The following USP50 variants were observed in gnomAD, a reference collection of about 807,000 sequenced individuals.
The protein encoded by USP50 is ubiquitin specific peptidase 50, also known as ubiquitin carboxyl-terminal hydrolase 50.
A neutral mutation model predicts 39.2 loss-of-function variants in USP50; 37 were observed. That is an observed-to-expected ratio of 0.94 (90% CI 0.73 to 1.24). The LOEUF is 1.24. Among genes scored for constraint, USP50 ranks in the 50% most tolerant of loss-of-function variants. The pLI is 0.00. For synonymous variants in USP50, 139 were observed against 144.5 expected, an observed-to-expected ratio of 0.96 and a Z score of 0.27; for missense variants, 374 against 398.2, an observed-to-expected ratio of 0.94 and a Z score of 0.52.
At chr15:50,544,178 TAAAAATACAAAAAATTAC>T (rs1183894201) in intron 2 of USP50, among the ~76,000 whole-genome samples, 2 of 151,724 alleles carry the variant, frequency 1.3e-5, no homozygotes, top group Non-Finnish European at 2.9e-5. Context: ...CCGTCTCTAC[TAAAAATACAAAAAATTAC>T]AAAAATACAA....
chr15:50,527,674 C>T (rs138401606), intron 6 of USP50, among the ~76,000 whole-genome samples: 51 of 150,816 alleles, frequency 3.4e-4, no homozygotes, highest in East Asian at 1.6e-3. Context: ...GAGTCTCACT[C>T]GCTCAGGCTA....
chr15:50,494,290 T>A, intron 1 of USP50: 1 of 1,586,092 alleles, frequency 6.3e-7, no homozygotes. Flanking sequence ...AGTAAGAAAT[T>A]TGATTTTTCT....
chr15:50,510,598 TA>T (rs886976668), intron 6 of USP50: 3 of 152,232 alleles, frequency 2.0e-5, no homozygotes, highest in African/African-American at 7.2e-5. Flanking sequence ...GTTAAGGGAT[TA>T]TTTTGATCTA....
intron 6 of USP50, chr15:50,501,599 A>AGG (rs1332806239): frequency 1.3e-5 from 2 of 151,962 alleles, no homozygotes; most frequent in East Asian, 3.9e-4. Flanking sequence ...GCACAAATTG[A>AGG]GGGGGCTATG....
At chr15:50,535,959 C>A (rs2141375334) in intron 5 of USP50, among the ~76,000 whole-genome samples, 1 of 152,196 alleles carries the variant, frequency 6.6e-6, no homozygotes, top group Admixed American at 6.5e-5. Context: ...TCTCAGTAAA[C>A]TAAGAATAGA....
At chr15:50,501,063 G>A (rs78612773) in intron 6 of USP50, 5,169 of 469,954 alleles carry the variant, frequency 0.011, 35 homozygotes, top group Non-Finnish European at 0.015. Flanking sequence ...TGTGAATAAA[G>A]AAAGACAATA....
chr15:50,497,783 C>G (rs1330628813), downstream of USP50: 1 of 152,108 alleles, frequency 6.6e-6, no homozygotes, highest in African/African-American at 2.4e-5. Flanking sequence ...ATCACATAAT[C>G]CATGTAACTC....
chr15:50,538,988 AAC>A (rs1220691428), intron 4 of USP50, 137 bp from the exon 5 acceptor site: 1 of 898,492 alleles, frequency 1.1e-6, no homozygotes, highest in African/African-American at 1.7e-5. Context: ...TCCAGAAGAC[AAC>A]AGTCTCACTA....
At chr15:50,538,623 C>G (rs2053002313) in intron 5 of USP50, 86 bp downstream of exon 5, 1 of 1,364,086 alleles carries the variant, frequency 7.3e-7, no homozygotes, top group African/African-American at 1.5e-5. Flanking sequence ...ATTGTATACT[C>G]TAAATGGGTG....
At chr15:50,516,298 AAAAC>A (rs572753139) in intron 6 of USP50, among the ~76,000 whole-genome samples, 18 of 152,272 alleles carry the variant, frequency 1.2e-4, no homozygotes, top group South Asian at 4.1e-4. Context: ...GTAAATGGAT[AAAAC>A]AAACAAACAA....
intron 6 of USP50, 55 bp from the exon 7 acceptor site, chr15:50,500,892 G>A (rs2052573307): frequency 1.5e-6 from 2 of 1,341,552 alleles, no homozygotes; most frequent in Non-Finnish European, 1.0e-6. Flanking sequence ...CTAACTACTG[G>A]AACAGAAATG....
At chr15:50,538,258 AGAGT>A (rs1375656000) in intron 5 of USP50, among the ~76,000 whole-genome samples, 2 of 138,782 alleles carry the variant, frequency 1.4e-5, no homozygotes, top group African/African-American at 5.6e-5. Context: ...GCCTGGCAAC[AGAGT>A]GAGACTGTCT....
At chr15:50,495,006 G>C (rs949252227) in intron 1 of USP50, among the ~76,000 whole-genome samples, 3 of 145,884 alleles carry the variant, frequency 2.1e-5, no homozygotes, top group Non-Finnish European at 4.5e-5. Context: ...GCGACAGAGT[G>C]AGACTCTTTC....
At chr15:50,495,035 AAATT>A (rs1360819160) in intron 1 of USP50, among the ~76,000 whole-genome samples, 1 of 151,890 alleles carries the variant, frequency 6.6e-6, no homozygotes, top group Non-Finnish European at 1.5e-5. Flanking sequence ...AAAAAAAAAA[AAATT>A]ACTCCATGTA....
Position 50,541,089 on chromosome 15 carries a change from A to G in USP50, c.620T>C (p.Phe207Ser). ...CTYKNEVFTV[F>S]SLPIPSKYEC... ...ATATTTGGATGGAATGGGGAGTGAG[A>G]AGACAGTGAAGACTTCGTTCTTGTA... Residue 207 changes from phenylalanine to serine, a missense_variant, in exon 4 of 7, where the codon TTC becomes TCC. Physicochemically the swap from Phe to Ser is radical, Grantham distance 155. Transcript: ENST00000532404. 2 of 1,613,952 alleles carry G rather than the reference A, an allele frequency of 1.2e-6. No individual in the cohort carries two copies. Among genetic ancestry groups the G allele is most frequent in the Non-Finnish European group, 1.7e-6 (2 of 1,179,866 alleles).
chr15:50,531,687 T>C (rs1596016769), intron 5 of USP50, among the ~76,000 whole-genome samples: 1 of 152,266 alleles, frequency 6.6e-6, no homozygotes, highest in South Asian at 2.1e-4. Flanking sequence ...AAGCATACCC[T>C]AATAAACTAA....
Position 50,544,592 on chromosome 15 carries a change from C to G in USP50, c.243G>C (p.Leu81=), listed in dbSNP as rs779218072. 8 of 1,612,522 alleles carry G rather than the reference C, an allele frequency of 5.0e-6. No individual in the cohort carries two copies. The South Asian group carries it at 8.8e-5, about 18-fold the overall frequency. ...GGGAATGCAAATGGTCTTACTTTTG[C>G]AGAGCGGTGATATACTTCCCGGTGA... ...YFLTGKYITA[L]QNDCSEVATA... Residue 81 remains leucine, a synonymous_variant, in exon 2 of 7, where the codon CTG becomes CTC. Coordinates refer to ENST00000532404, the MANE Select transcript of USP50 (RefSeq NM_203494.5).
chr15:50,531,971 T>C, intron 5 of USP50: 1 of 360,768 alleles, frequency 2.8e-6, no homozygotes, highest in Non-Finnish European at 5.4e-6. Flanking sequence ...CCCCCAAAAC[T>C]GGAAAAACAG....
chr15:50,520,411 C>G, intron 6 of USP50, among the ~76,000 whole-genome samples: 1 of 151,818 alleles, frequency 6.6e-6, no homozygotes, highest in East Asian at 2.0e-4. Context: ...AAGTGATCCT[C>G]CCACCTCAGC....
Sources: allele counts gnomAD v4.1 joint callset (sites outside exome capture counted in the v4.1 genomes callset), GRCh38; gene constraint gnomAD v4.1.1; transcripts MANE v1.5; gene names NCBI Gene and HGNC (gene_info 2026-07-23, HGNC 2026-07-21).